The following NAV2 variants were observed in gnomAD, a reference collection of about 807,000 sequenced individuals.
The protein encoded by NAV2 is neuron navigator 2.
A neutral mutation model predicts 223.2 loss-of-function variants in NAV2; 54 were observed. The ratio of observed to expected loss-of-function variants is 0.24; its 90% CI spans 0.19 to 0.30. The LOEUF is 0.30. NAV2 is among the 10% of genes least tolerant of loss of function. The pLI, the probability that NAV2 is intolerant of heterozygous loss-of-function variation, is 1.00. For missense variants in NAV2, 2,806 were observed against 3,147.5 expected (o/e 0.89, Z 2.60); for synonymous variants, 1,279 against 1,239.3 (o/e 1.03, Z -0.67).
intron 6 of NAV2, among the ~76,000 whole-genome samples, chr11:19,893,352 G>C (rs1300925663): frequency 6.6e-6 from 1 of 152,110 alleles, no homozygotes; most frequent in African/African-American, 2.4e-5. Context: ...AGGCAAAGTA[G>C]TCTAGACATC....
intron 21 of NAV2, 56 bp downstream of exon 21, chr11:20,068,265 C>A (rs556465511): frequency 1.2e-6 from 2 of 1,608,702 alleles, no homozygotes; most frequent in Admixed American, 1.7e-5. Flanking sequence ...ATTATTTGAC[C>A]CTGCTCACCT....
chr11:19,453,126 G>A (rs896465868), intron 1 of NAV2, among the ~76,000 whole-genome samples: 3 of 152,172 alleles, frequency 2.0e-5, no homozygotes, highest in African/African-American at 7.2e-5. Context: ...ATTGCTACAT[G>A]ACATTGCTCA....
Position 19,713,787 on chromosome 11 carries a change from G to C in NAV2, c.92G>C (p.Arg31Pro). Residue 31 changes from arginine to proline, a missense_variant, in exon 1 of 38, where the codon CGG becomes CCG. Physicochemically the swap from Arg to Pro is moderately radical, Grantham distance 103 (BLOSUM62 -2). Coordinates refer to ENST00000349880, the MANE Select transcript of NAV2 (RefSeq NM_145117.5). This position sits in a 1 kb window ranked among gnomAD's most constrained non-coding sequence, Gnocchi z 7.2. Reference protein sequence around the residue: ...AAPILHVPPARAGPQPCYLKL... With the variant: ...AAPILHVPPAPAGPQPCYLKL... ...CCCATCCTGCACGTGCCCCCGGCCC[G>C]GGCGGGCCCCCAGCCCTGCTACCTG... The C allele has an allele frequency of 1.9e-6, 3 of 1,612,806 alleles. No homozygotes were observed. The highest frequency in any genetic ancestry group is 1.7e-6 in the Non-Finnish European group (2 of 1,179,664).
chr11:19,893,169 G>A (rs115343540), intron 6 of NAV2, among the ~76,000 whole-genome samples: 2,019 of 149,594 alleles, frequency 0.013, 45 homozygotes, highest in African/African-American at 0.047. Flanking sequence ...ACTATACACA[G>A]TACTGAGTTT....
chr11:19,429,150 C>A (rs923379862), intron 1 of NAV2, among the ~76,000 whole-genome samples: 2 of 152,212 alleles, frequency 1.3e-5, no homozygotes, highest in African/African-American at 4.8e-5. Flanking sequence ...CTTCTCTTGC[C>A]AGATTGGGAG....
chr11:20,097,809 C>A, intron 31 of NAV2, 64 bp downstream of exon 31: 1 of 1,432,960 alleles, frequency 7.0e-7, no homozygotes, highest in Non-Finnish European at 9.4e-7. Flanking sequence ...TGTGACTTGG[C>A]ATAGGCACTT....
intron 1 of NAV2, among the ~76,000 whole-genome samples, chr11:19,478,346 C>A (rs1470138769): frequency 6.6e-6 from 1 of 152,032 alleles, no homozygotes; most frequent in Non-Finnish European, 1.5e-5. Context: ...GAGCCCGGTG[C>A]CTGCAAAAAT....
At chr11:19,378,649 T>C (rs920524310) in intron 1 of NAV2, among the ~76,000 whole-genome samples, 3 of 149,572 alleles carry the variant, frequency 2.0e-5, no homozygotes, top group African/African-American at 7.5e-5. Flanking sequence ...ACGGAGGAGA[T>C]GCTCCCTGTC....
chr11:19,511,174 G>A (rs569989703), intron 1 of NAV2: 7 of 152,288 alleles, frequency 4.6e-5, no homozygotes, highest in Middle Eastern at 3.4e-3. Context: ...GTTGTTGTTG[G>A]AGAGAACAGT....
chr11:19,862,496 C>G (rs568345513), intron 3 of NAV2, among the ~76,000 whole-genome samples: 1 of 152,338 alleles, frequency 6.6e-6, no homozygotes, highest in African/African-American at 2.4e-5. Context: ...CCTCTTATGA[C>G]AGGACGAAGT....
At chr11:19,537,731 C>A in intron 1 of NAV2, among the ~76,000 whole-genome samples, 1 of 152,250 alleles carries the variant, frequency 6.6e-6, no homozygotes. Context: ...ACAGGTATAT[C>A]TGATCTAGTC....
At chr11:19,515,131 G>C (rs1199903256) in intron 1 of NAV2, among the ~76,000 whole-genome samples, 1 of 152,232 alleles carries the variant, frequency 6.6e-6, no homozygotes, top group Non-Finnish European at 1.5e-5. Flanking sequence ...CTGTAGAATG[G>C]ATGGAGTGGT....
chr11:19,695,224 G>A (rs559812920), intron 1 of NAV2, among the ~76,000 whole-genome samples: 31 of 152,278 alleles, frequency 2.0e-4, no homozygotes, highest in Non-Finnish European at 4.0e-4. Flanking sequence ...GGCACTCTCC[G>A]GTCCAAAACA....
At chr11:20,043,917 TGGAG>T in intron 12 of NAV2, 60 bp from the exon 13 acceptor site, 1 of 1,541,812 alleles carries the variant, frequency 6.5e-7, no homozygotes, top group South Asian at 1.2e-5. Context: ...TTTTTGCCTT[TGGAG>T]TGAGGGGCTT....
chr11:19,754,814 C>A (rs1197397324), intron 1 of NAV2, among the ~76,000 whole-genome samples: 2 of 152,222 alleles, frequency 1.3e-5, no homozygotes, highest in South Asian at 2.1e-4. Context: ...CTGCAAGCAA[C>A]TGAAAATATC....
chr11:19,429,254 G>A lies in NAV2; in HGVS notation c.75+78227G>A, dbSNP rs145658422. Among the ~76,000 whole-genome samples the A allele has an allele frequency of 4.1e-3, 626 of 152,160 alleles. 5 individuals carry two copies. Among genetic ancestry groups the A allele is most frequent in the African/African-American group, 0.014 (589 of 41,558 alleles). On this transcript the variant is annotated intron_variant, in intron 1 of 37. Coordinates refer to the NAV2 transcript ENST00000360655. ...CTGGTACTCTGTGAATTGAAAACTTGTGCCAATGCATTTATTTACTGGGCA... is the reference window on the plus strand; with the variant it reads ...CTGGTACTCTGTGAATTGAAAACTTATGCCAATGCATTTATTTACTGGGCA...
intron 1 of NAV2, among the ~76,000 whole-genome samples, chr11:19,772,603 G>T (rs1324521031): frequency 6.6e-6 from 1 of 152,166 alleles, no homozygotes; most frequent in Non-Finnish European, 1.5e-5. Context: ...GGCAAAATGG[G>T]CTCCCTCTGA....
chr11:19,641,560 C>T (rs112167320), intron 1 of NAV2, among the ~76,000 whole-genome samples: 34 of 152,116 alleles, frequency 2.2e-4, no homozygotes, highest in Non-Finnish European at 4.1e-4. Context: ...CTGAGTCTGA[C>T]TGTACAATCT....
chr11:19,468,918 C>A (rs2041870168), intron 1 of NAV2, among the ~76,000 whole-genome samples: 1 of 152,102 alleles, frequency 6.6e-6, no homozygotes, highest in African/African-American at 2.4e-5. Context: ...ATTCTGGAGA[C>A]AAAGAACTGA....
Sources: allele counts gnomAD v4.1 joint callset (sites outside exome capture counted in the v4.1 genomes callset), GRCh38; gene constraint gnomAD v4.1.1; non-coding constraint Gnocchi (gnomAD v3.1); transcripts MANE v1.5; gene names NCBI Gene and HGNC (gene_info 2026-07-23, HGNC 2026-07-21).